LTBP4: variants seen among roughly 807,000 people sequenced by gnomAD.
LTBP4 encodes latent transforming growth factor beta binding protein 4, also known as latent-transforming growth factor beta-binding protein 4.
A neutral mutation model predicts 180.2 loss-of-function variants in LTBP4; 93 were observed. The observed-to-expected ratio is 0.52, with a 90% CI of 0.44 to 0.61. The LOEUF is 0.61. Ranked by LOEUF, LTBP4 falls within the 20% of genes least tolerant of loss-of-function variation. The pLI is 0.00. For synonymous variants in LTBP4, 947 were observed against 934.5 expected (o/e 1.01, Z -0.24); for missense variants, 2,116 against 2,256.5 (o/e 0.94, Z 1.26).
intron 1 of LTBP4, among the ~76,000 whole-genome samples, chr19:40,593,686 C>T (rs1029780904): frequency 7.5e-6 from 1 of 133,848 alleles, no homozygotes; most frequent in African/African-American, 3.0e-5. Context: ...GCTCACAGAT[C>T]TAGAATATTA....
intron 7 of LTBP4, among the ~76,000 whole-genome samples, chr19:40,607,912 T>C (rs2081475156): frequency 6.6e-6 from 1 of 152,180 alleles, no homozygotes; most frequent in African/African-American, 2.4e-5. Context: ...TTCTATCTTC[T>C]GCTTAAAACT....
Position 40,617,091 on chromosome 19 carries a change from T to C in LTBP4, c.2945-9T>C, listed in dbSNP as rs773206796. 1 of 1,613,866 alleles carries C rather than the reference T, an allele frequency of 6.2e-7. No homozygotes were observed. The highest frequency in any genetic ancestry group is 8.5e-7 in the Non-Finnish European group (1 of 1,179,770). On this transcript the variant is annotated splice_polypyrimidine_tract_variant and intron_variant, in intron 20 of 29. Coordinates refer to ENST00000396819, the MANE Select transcript of LTBP4 (RefSeq NM_001042545.2). ...GTCCAGAAATGGCCTGACTGTCTGG[T>C]GGTTGCAGATGTGGACGAATGCCGG...
chr19:40,612,131 C>T lies in LTBP4; in HGVS notation c.2238C>T (p.Pro746=), dbSNP rs201588216. The part of the protein sequence containing the change: ...ACPGQECVNS[P]GSFQCRTCPS... ...CTGGGCAGGAGTGTGTGAACTCGCC[C>T]GGCTCCTTCCAGTGCAGGACCTGTC... is the stretch of plus-strand genomic sequence containing the variant. Residue 746 remains proline, a synonymous_variant, in exon 15 of 30, where the codon CCC becomes CCT. Transcript: ENST00000396819. 8,069 of 1,613,270 alleles carry T rather than the reference C, an allele frequency of 5.0e-3. 316 individuals are homozygous for T. In the South Asian group the frequency reaches 0.07, roughly 14 times the overall value.
At position 40,613,055 on chromosome 19, in the gene LTBP4, C is replaced by A. The variant is rs2081518611; in HGVS notation, c.2300-10C>A. 1 of 1,610,852 alleles carries A rather than the reference C, an allele frequency of 6.2e-7. No individual in the cohort carries two copies. ...ACTGGACCCTTTCTGAACACCCCCA[C>A]CCCCCACAGATGTGGACGAATGCAG... is the stretch of plus-strand genomic sequence containing the variant. On this transcript the variant is annotated splice_polypyrimidine_tract_variant and intron_variant, in intron 15 of 29. Transcript: ENST00000396819. The surrounding 1 kb of genome is among the most constrained non-coding windows in gnomAD (Gnocchi z 5.0).
chr19:40,624,705 TTTTATTTTATTTTA>T (rs2081612191), intron 26 of LTBP4, among the ~76,000 whole-genome samples: 1 of 151,422 alleles, frequency 6.6e-6, no homozygotes, highest in Non-Finnish European at 1.5e-5. Context: ...GGCTGATGAA[TTTTATTTTATTTTA>T]TTTTATTTTT....
rs763565088 is a variant in LTBP4 at position 40,613,990 on chromosome 19, A to G, written c.2632A>G (p.Ile878Val). 1 of 1,613,504 alleles carries G rather than the reference A, an allele frequency of 6.2e-7. No homozygotes were observed. Among genetic ancestry groups the G allele is most frequent in the African/African-American group, 1.3e-5 (1 of 74,936 alleles). Reference sequence around the variant, plus strand: ...CAACACCGACGGCTCCTTCGAGTGCATCTGTCCTCCGGGACACCGCGCTGG... The same window carrying G: ...CAACACCGACGGCTCCTTCGAGTGCGTCTGTCCTCCGGGACACCGCGCTGG... Reference protein sequence around the residue: ...CTNTDGSFECICPPGHRAGPD... With the variant: ...CTNTDGSFECVCPPGHRAGPD... Residue 878 changes from isoleucine (I) to valine (V), a missense_variant, in exon 18 of 30, where the codon ATC (isoleucine) becomes GTC (valine). Around this residue, in one of 5 missense-constraint regions of LTBP4, gnomAD observed 877 missense variants for 873.6 expected, o/e 1.00. Transcript: ENST00000396819. The surrounding 1 kb of genome is among the most constrained non-coding windows in gnomAD (Gnocchi z 5.0).
rs71173663 is a variant in LTBP4, at chr19:40,625,252, TTATATATATATATATATATATATATATA to T, written c.3833-567_3833-540del. 3.9e-3 allele frequency among the ~76,000 whole-genome samples: 173 copies of T among 44,030 alleles called. 22 individuals are homozygous for T. Among genetic ancestry groups the T allele is most frequent in the Middle Eastern group, 0.011 (1 of 94 alleles). The allele number at this position is 44,030 out of a possible 152,430, so 28.9% of individuals were successfully genotyped here. ...CACCAAGCCTGGCTAATTTTTGTAT[TTATATATATATATATATATATATATATA>T]TATATATATATATATATATATATAT... On this transcript the variant is annotated intron_variant, in intron 26 of 29. Coordinates refer to ENST00000396819, the MANE Select transcript of LTBP4 (RefSeq NM_001042545.2).
chr19:40,614,289 T>A (rs767711747), intron 18 of LTBP4, 26 bp from the exon 19 acceptor site: 6 of 1,588,766 alleles, frequency 3.8e-6, no homozygotes, highest in Admixed American at 1.7e-5. Context: ...GCTTCCCACA[T>A]CCGACCACCC....
chr19:40,597,387 C>T (rs2081396987), upstream of LTBP4: 2 of 1,506,922 alleles, frequency 1.3e-6, no homozygotes, highest in Non-Finnish European at 1.8e-6. Flanking sequence ...CCAGGTAAGC[C>T]CCCTGCTTCC....
intron 26 of LTBP4, among the ~76,000 whole-genome samples, chr19:40,625,302 AT>A (rs2081623739): frequency 8.3e-5 from 1 of 12,038 alleles, no homozygotes; most frequent in Non-Finnish European, 1.3e-4. Context: ...ATATATATAT[AT>A]ATATATATAT....
chr19:40,594,029 A>G (rs982468624), intron 1 of LTBP4, among the ~76,000 whole-genome samples: 6 of 146,802 alleles, frequency 4.1e-5, no homozygotes, highest in Admixed American at 2.0e-4. Flanking sequence ...CCTGACCTCA[A>G]GTGATCTGCC....
At chr19:40,603,495 T>C (rs2081437909) in intron 1 of LTBP4, among the ~76,000 whole-genome samples, 2 of 152,186 alleles carry the variant, frequency 1.3e-5, no homozygotes, top group African/African-American at 2.4e-5. Context: ...TCCTGTTTTC[T>C]AGGTAACTGT....
upstream of LTBP4, among the ~76,000 whole-genome samples, chr19:40,598,823 G>T (rs1236766649): frequency 6.6e-6 from 1 of 152,234 alleles, no homozygotes; most frequent in Non-Finnish European, 1.5e-5. Context: ...GGATGTGCGG[G>T]AGGGCGGGGT....
chr19:40,608,462 G>A (rs1334024156), intron 8 of LTBP4, 22 bp from the exon 9 acceptor site: 8 of 1,594,458 alleles, frequency 5.0e-6, no homozygotes, highest in African/African-American at 4.0e-5. Context: ...GGCTCCACTC[G>A]TTGATACCCC....
intron 19 of LTBP4, 115 bp downstream of exon 19, chr19:40,614,561 A>C: frequency 1.5e-6 from 2 of 1,295,694 alleles, no homozygotes; most frequent in Non-Finnish European, 2.1e-6. Flanking sequence ...GGGAAAGAAC[A>C]CCCTCTCACC....
chr19:40,616,776 G>T, intron 19 of LTBP4, 113 bp from the exon 20 acceptor site: 1 of 1,246,054 alleles, frequency 8.0e-7, no homozygotes, highest in East Asian at 2.4e-5. Context: ...AGAAGCTCAG[G>T]CTCCTAGAAT....
intron 19 of LTBP4, 46 bp downstream of exon 19, chr19:40,614,492 C>T (rs1490816585): frequency 1.9e-6 from 3 of 1,573,952 alleles, no homozygotes; most frequent in Non-Finnish European, 2.6e-6. Flanking sequence ...CAACGCGGTG[C>T]TGGAGGCTGC....
upstream of LTBP4, among the ~76,000 whole-genome samples, chr19:40,600,990 C>T (rs2081419172): frequency 6.6e-6 from 1 of 152,292 alleles, no homozygotes; most frequent in South Asian, 2.1e-4. The surrounding 1 kb of genome is among the most constrained non-coding windows in gnomAD (Gnocchi z 4.4). Context: ...GTGCCCCGGG[C>T]AGAAGAGGAT....
intron 26 of LTBP4, among the ~76,000 whole-genome samples, 189 bp downstream of exon 26, chr19:40,624,271 TG>T (rs1474476159): frequency 7.6e-6 from 1 of 131,698 alleles, no homozygotes; most frequent in Non-Finnish European, 1.6e-5. Context: ...GCTGGCTAGG[TG>T]GTTAAAGGCA....
Sources: gnomAD v4.1 joint callset for allele counts (sites outside exome capture counted in the v4.1 genomes callset) on GRCh38, gnomAD v4.1.1 for gene constraint, gnomAD v4.1.1 regional missense constraint, Gnocchi (gnomAD v3.1) non-coding constraint, MANE v1.5 for transcripts, NCBI Gene and HGNC (gene_info 2026-07-23, HGNC 2026-07-21) for gene names.